Variants in FAM120B observed in about 807,000 individuals in gnomAD.
FAM120B encodes the protein family with sequence similarity 120 member B, also known as constitutive coactivator of peroxisome proliferator-activated receptor gamma.
FAM120B carries 83 observed loss-of-function variants against 96.3 expected under a neutral mutation model. The ratio of observed to expected loss-of-function variants is 0.86; its 90% CI spans 0.72 to 1.03. FAM120B has a LOEUF of 1.03. FAM120B is among the 50% of genes least tolerant of loss of function. FAM120B has a pLI of 0.00. For missense variants in FAM120B, 1,027 were observed against 1,121.2 expected, an observed-to-expected ratio of 0.92 and a Z score of 1.20; for synonymous variants, 407 against 402.7, an observed-to-expected ratio of 1.01 and a Z score of -0.13.
chr6:170,326,052 G>T (rs1292302310), intron 3 of FAM120B, among the ~76,000 whole-genome samples: 1 of 151,756 alleles, frequency 6.6e-6, no homozygotes, highest in Non-Finnish European at 1.5e-5. Context: ...TTTATGTCTT[G>T]TACATATATA....
rs73251717 is a variant in FAM120B, at chr6:170,381,094, G to A, written c.2284-7193G>A. ...TAAAGAAGTCCCATGTCAATATCCTGTAGAAGACAGAGATCAAGGGAGGTC... is the reference window on the plus strand; with the variant it reads ...TAAAGAAGTCCCATGTCAATATCCTATAGAAGACAGAGATCAAGGGAGGTC... On this transcript the variant is annotated intron_variant, in intron 6 of 10. Transcript: ENST00000476287. Among the ~76,000 whole-genome samples the A allele has an allele frequency of 5.4e-3, 816 of 152,334 alleles. 9 individuals carry two copies. The highest frequency in any genetic ancestry group is 0.019 in the African/African-American group (778 of 41,578).
chr6:170,344,638 C>G (rs1482628199), intron 4 of FAM120B, among the ~76,000 whole-genome samples: 3 of 152,384 alleles, frequency 2.0e-5, no homozygotes, highest in African/African-American at 7.2e-5. Context: ...TCCCCGCCAC[C>G]ACCTGGGCAA....
At chr6:170,332,372 A>C (rs1231711779) in intron 4 of FAM120B, among the ~76,000 whole-genome samples, 5 of 152,342 alleles carry the variant, frequency 3.3e-5, no homozygotes, top group African/African-American at 1.2e-4. Context: ...TTGCCTGTCA[A>C]GTATTCACAT....
chr6:170,398,792 T>G (rs1166625990), intron 9 of FAM120B, among the ~76,000 whole-genome samples: 3 of 150,196 alleles, frequency 2.0e-5, no homozygotes, highest in East Asian at 2.1e-4. Context: ...GTGGGGAAGG[T>G]AGAACTATGT....
chr6:170,305,442 A>T (rs1369184440), upstream of FAM120B, among the ~76,000 whole-genome samples: 1 of 152,222 alleles, frequency 6.6e-6, no homozygotes, highest in Non-Finnish European at 1.5e-5. Context: ...TTTAATGCAT[A>T]CGTGGTGCCA....
chr6:170,341,803 G>A (rs1259282198), intron 4 of FAM120B, among the ~76,000 whole-genome samples: 1 of 152,186 alleles, frequency 6.6e-6, no homozygotes, highest in Non-Finnish European at 1.5e-5. Flanking sequence ...CCCTCCATGG[G>A]CTGAACCAAT....
rs200715225 is a variant in FAM120B at position 170,340,393 on chromosome 6, A to C, written c.2018-7758A>C. Among the ~76,000 whole-genome samples, 1,341 of 152,200 alleles carry C rather than the reference A, an allele frequency of 8.8e-3. 63 individuals are homozygous for C. The East Asian group carries it at 0.1, about 12-fold the overall frequency. ...GTTATTCCAGTTAGCAGTTCCTGTA[A>C]GTGTTTATCAAGGTTCTTAGCTTCC... On this transcript the variant is annotated intron_variant, in intron 4 of 10. Transcript: ENST00000476287.
chr6:170,351,131 A>C (rs975546560), intron 5 of FAM120B, among the ~76,000 whole-genome samples: 1 of 152,208 alleles, frequency 6.6e-6, no homozygotes, highest in Admixed American at 6.5e-5. Flanking sequence ...AGCATAAGAA[A>C]TTCACAGAAC....
At chr6:170,344,797 A>G (rs149732112) in intron 4 of FAM120B, among the ~76,000 whole-genome samples, 2,069 of 152,278 alleles carry the variant, frequency 0.014, 24 homozygotes, top group Non-Finnish European at 0.021. Flanking sequence ...CCTGCATAGC[A>G]GACTTGATGC....
At chr6:170,358,042 AC>A (rs746832373) in intron 5 of FAM120B, among the ~76,000 whole-genome samples, 183 bp from the exon 6 acceptor site, 63 of 151,460 alleles carry the variant, frequency 4.2e-4, no homozygotes, top group Non-Finnish European at 8.0e-4. Context: ...CTGTGCGTGT[AC>A]CCATGTGTGT....
rs570277550 is a variant in FAM120B at position 170,333,176 on chromosome 6, C to G, written c.2017+2626C>G. 2.9e-3 allele frequency among the ~76,000 whole-genome samples: 430 copies of G among 150,604 alleles called. 1 individual carries two copies. Among genetic ancestry groups the G allele is most frequent in the South Asian group, 5.8e-3 (27 of 4,642 alleles). ...CCCACCCCACCGCCCCCCCGCCCCC[C>G]GCAATTCCTGTATTGAAAACCTAAT... On this transcript the variant is annotated intron_variant, in intron 4 of 10. Coordinates refer to ENST00000476287, the MANE Select transcript of FAM120B (RefSeq NM_032448.3).
upstream of FAM120B, among the ~76,000 whole-genome samples, chr6:170,302,750 T>C (rs2114981957): frequency 6.6e-6 from 1 of 152,352 alleles, no homozygotes; most frequent in African/African-American, 2.4e-5. Flanking sequence ...ATAGATTTTT[T>C]CCCACACTGA....
intron 6 of FAM120B, among the ~76,000 whole-genome samples, chr6:170,361,202 A>ATG (rs1554286359): frequency 0.016 from 1,180 of 73,808 alleles, 74 homozygotes; most frequent in African/African-American, 0.056. Context: ...ATACGTGTAT[A>ATG]TATATATATA....
chr6:170,294,829 T>C (rs1783960008), upstream of FAM120B, among the ~76,000 whole-genome samples: 1 of 152,210 alleles, frequency 6.6e-6, no homozygotes, highest in African/African-American at 2.4e-5. This position sits in a 1 kb window ranked among gnomAD's most constrained non-coding sequence, Gnocchi z 7.9. Flanking sequence ...GTGGGGTTTG[T>C]GTTTTCTCAG....
chr6:170,381,498 A>G (rs907305223), intron 6 of FAM120B, among the ~76,000 whole-genome samples: 14 of 152,184 alleles, frequency 9.2e-5, no homozygotes, highest in Admixed American at 7.2e-4. Context: ...TCCAGAAAAT[A>G]CAAGAAGATA....
At position 170,295,738 on chromosome 6, in the gene FAM120B, A is replaced by C. The variant is rs1190083246; in HGVS notation, c.48+285A>C. ...TTTCTCAGGATCCGCGGCCGTGCAG[A>C]GAACAGGAAGACGGGCTCCAACCCC... On this transcript the variant is annotated intron_variant, in intron 1 of 10. Transcript: ENST00000537664. The surrounding 1 kb of genome is among the most constrained non-coding windows in gnomAD (Gnocchi z 7.8). 2.6e-5 allele frequency among the ~76,000 whole-genome samples: 4 copies of C among 151,914 alleles called. No individual in the cohort carries two copies. The highest frequency in any genetic ancestry group is 4.8e-5 in the African/African-American group (2 of 41,366).
Position 170,323,267 on chromosome 6 carries a change from T to C in FAM120B, c.1915+8T>C, listed in dbSNP as rs1785411981. On this transcript the variant is annotated splice_region_variant and intron_variant, in intron 3 of 10. Coordinates refer to ENST00000476287, the MANE Select transcript of FAM120B (RefSeq NM_032448.3). ...TACTGGAGGACTGTCAAGGTGAGAA[T>C]TGGTTGGTCCCTCTTAGTAAAGGTT... is the stretch of plus-strand genomic sequence containing the variant. 1.9e-6 allele frequency: 3 copies of C among 1,610,102 alleles called. No homozygotes were observed. The highest frequency in any genetic ancestry group is 2.7e-5 in the African/African-American group (2 of 74,790).
intron 9 of FAM120B, among the ~76,000 whole-genome samples, chr6:170,402,575 G>A (rs764918233): frequency 3.9e-5 from 6 of 152,186 alleles, no homozygotes; most frequent in African/African-American, 4.8e-5. Context: ...TGTCTCTGTC[G>A]CCTCGTTCCT....
intron 6 of FAM120B, among the ~76,000 whole-genome samples, chr6:170,373,995 C>T (rs1453426784): frequency 6.6e-6 from 1 of 152,090 alleles, no homozygotes; most frequent in Non-Finnish European, 1.5e-5. Context: ...ATTGTTTACA[C>T]GGTGCTGCTG....
Sources: gnomAD v4.1 joint callset for allele counts (sites outside exome capture counted in the v4.1 genomes callset) on GRCh38, gnomAD v4.1.1 for gene constraint, Gnocchi (gnomAD v3.1) non-coding constraint, MANE v1.5 for transcripts, NCBI Gene and HGNC (gene_info 2026-07-23, HGNC 2026-07-21) for gene names.